The following FGF14 variants were observed in gnomAD, a reference collection of about 807,000 sequenced individuals.
The protein encoded by FGF14 is fibroblast growth factor 14, also known as fibroblast growth factor homologous factor 4.
FGF14 carries 5 observed loss-of-function variants against 25.5 expected under a neutral mutation model. That is an observed-to-expected ratio of 0.20 (90% CI 0.10 to 0.41). The LOEUF is 0.41. Among genes scored for constraint, FGF14 ranks in the 10% least tolerant of loss-of-function variants. The probability of loss-of-function intolerance (pLI) is 1.00; values close to 1 mark genes in which losing one functional copy is unlikely to be tolerated. For synonymous variants in FGF14, 138 were observed against 118.3 expected (o/e 1.17, Z -1.08); for missense variants, 222 against 320.1 (o/e 0.69, Z 2.34).
In FGF14 at chr13:101,832,935, T is replaced by C. The variant is rs1594414585; in HGVS notation, c.408+35790A>G. ...CAGGGTTGCCATTCTTCTGTGGTTT[T>C]CTCACAAATTCTAGTCAATTGTCTG... On this transcript the variant is annotated intron_variant, in intron 3 of 4. Coordinates refer to ENST00000376143, the MANE Select transcript of FGF14 (RefSeq NM_004115.4). Among the ~76,000 whole-genome samples, 3 of 152,102 alleles carry C rather than the reference T, an allele frequency of 2.0e-5. No homozygotes were observed. The East Asian group carries it at 5.8e-4, about 29-fold the overall frequency.
intron 3 of FGF14, among the ~76,000 whole-genome samples, chr13:101,838,505 T>C (rs2043038012): frequency 6.6e-6 from 1 of 152,070 alleles, no homozygotes; most frequent in Non-Finnish European, 1.5e-5. Context: ...TGAAAGAGAA[T>C]TGCTGGTAGA....
At chr13:102,324,647 C>G (rs866270735) in intron 1 of FGF14, among the ~76,000 whole-genome samples, 1 of 152,072 alleles carries the variant, frequency 6.6e-6, no homozygotes, top group Non-Finnish European at 1.5e-5. Context: ...TAATTATCAC[C>G]GGGTGTCAGG....
chr13:101,820,937 T>C (rs2042108013), intron 3 of FGF14, among the ~76,000 whole-genome samples: 1 of 151,568 alleles, frequency 6.6e-6, no homozygotes, highest in South Asian at 2.1e-4. Flanking sequence ...ACTTCTATCA[T>C]AGAAGATTAG....
intron 1 of FGF14, among the ~76,000 whole-genome samples, chr13:101,989,409 TATA>T (rs1161219271): frequency 1.3e-5 from 2 of 152,060 alleles, no homozygotes; most frequent in East Asian, 3.9e-4. Flanking sequence ...CTATGTTGAT[TATA>T]AAGAAGAATA....
intron 1 of FGF14, among the ~76,000 whole-genome samples, chr13:102,093,050 C>A (rs1319319059): frequency 6.6e-6 from 1 of 152,118 alleles, no homozygotes; most frequent in Admixed American, 6.5e-5. Context: ...CATATATATA[C>A]AGACAACCCT....
At position 101,944,810 on chromosome 13, in the gene FGF14, C is replaced by T. The variant is rs550682083; in HGVS notation, c.209-69514G>A. 9.2e-4 allele frequency among the ~76,000 whole-genome samples: 140 copies of T among 152,164 alleles called. 1 individual carries two copies. The highest frequency in any genetic ancestry group is 1.8e-3 in the Non-Finnish European group (120 of 67,998). ...CAATAGAACAAATATTGAATGATTC[C>T]CCCTTTATAAGGTACCTAACATAGC... is the stretch of plus-strand genomic sequence containing the variant. On this transcript the variant is annotated intron_variant, in intron 1 of 4. Transcript: ENST00000376131.
At chr13:102,227,944 G>GAC (rs1365980996) in intron 1 of FGF14, among the ~76,000 whole-genome samples, 1 of 152,048 alleles carries the variant, frequency 6.6e-6, no homozygotes, top group Non-Finnish European at 1.5e-5. Context: ...TTGACTCTCA[G>GAC]ACACTTCCAG....
At chr13:101,932,546 A>AAAAAAC (rs1194211770) in intron 1 of FGF14, among the ~76,000 whole-genome samples, 1 of 151,302 alleles carries the variant, frequency 6.6e-6, no homozygotes, top group Non-Finnish European at 1.5e-5. Context: ...AAAAAAAAAA[A>AAAAAAC]AAGGAAAAAA....
At chr13:101,751,789 T>C (rs190794982) in intron 3 of FGF14, among the ~76,000 whole-genome samples, 13 of 152,108 alleles carry the variant, frequency 8.5e-5, no homozygotes, top group African/African-American at 3.1e-4. Context: ...ACTTGCACTT[T>C]ACAGAAAATG....
chr13:102,350,739 T>C (rs1299072773), intron 1 of FGF14, among the ~76,000 whole-genome samples: 1 of 152,164 alleles, frequency 6.6e-6, no homozygotes, highest in Non-Finnish European at 1.5e-5. Context: ...AATGATGATA[T>C]GGAAATTCAA....
chr13:102,293,245 T>C (rs1432005474), intron 1 of FGF14: 1 of 152,222 alleles, frequency 6.6e-6, no homozygotes, highest in Non-Finnish European at 1.5e-5. Context: ...CCTGGCATCT[T>C]GTCAGTTGGC....
chr13:102,029,989 A>G (rs2041129977), intron 1 of FGF14, among the ~76,000 whole-genome samples: 1 of 152,112 alleles, frequency 6.6e-6, no homozygotes, highest in African/African-American at 2.4e-5. Flanking sequence ...GACAGTCAAC[A>G]AACAAGTTAA....
chr13:102,068,804 C>G (rs1566644699), intron 1 of FGF14, among the ~76,000 whole-genome samples: 1 of 152,206 alleles, frequency 6.6e-6, no homozygotes. Flanking sequence ...ACGAGCACCA[C>G]CCCCCTGCTC....
Position 101,924,162 on chromosome 13 carries a change from AGAAAG to A in FGF14, c.209-48871_209-48867del, listed in dbSNP as rs1369067195. 5.9e-5 allele frequency among the ~76,000 whole-genome samples: 9 copies of A among 152,136 alleles called. No homozygotes were observed. The South Asian group carries it at 1.0e-3, about 17-fold the overall frequency. On this transcript the variant is annotated intron_variant, in intron 1 of 4. Coordinates refer to the FGF14 transcript ENST00000376131. ...ATTACTCAATTTCCAAGAAAGTTTG[AGAAAG>A]GAAAGTTCATTTATAATCTCAATGC...
intron 3 of FGF14, among the ~76,000 whole-genome samples, chr13:101,817,124 C>T (rs1031565850): frequency 3.3e-5 from 5 of 152,102 alleles, no homozygotes; most frequent in African/African-American, 4.8e-5. Flanking sequence ...AAGTAATTTC[C>T]AAAAAGGTAC....
chr13:102,244,154 A>C (rs543620037), intron 1 of FGF14, among the ~76,000 whole-genome samples: 1 of 152,150 alleles, frequency 6.6e-6, no homozygotes, highest in African/African-American at 2.4e-5. Context: ...TGTCCTGTAA[A>C]ATTTAAACTG....
intron 1 of FGF14, among the ~76,000 whole-genome samples, chr13:101,937,308 T>C (rs9585814): frequency 0.05 from 7,578 of 152,224 alleles, 695 homozygotes; most frequent in African/African-American, 0.17. Flanking sequence ...ACCTAACCCC[T>C]AGTACCTCAG....
At chr13:102,323,564 T>C (rs2056320281) in intron 1 of FGF14, among the ~76,000 whole-genome samples, 1 of 152,202 alleles carries the variant, frequency 6.6e-6, no homozygotes, top group Non-Finnish European at 1.5e-5. Context: ...ATATCATTTG[T>C]GTAGTAATCA....
intron 1 of FGF14, among the ~76,000 whole-genome samples, chr13:101,960,356 C>G (rs937824851): frequency 6.6e-6 from 1 of 152,164 alleles, no homozygotes; most frequent in African/African-American, 2.4e-5. Context: ...CTCCCTCCCC[C>G]AGCATACTCC....
Sources: allele counts gnomAD v4.1 joint callset (sites outside exome capture counted in the v4.1 genomes callset), GRCh38; gene constraint gnomAD v4.1.1; transcripts MANE v1.5; gene names NCBI Gene and HGNC (gene_info 2026-07-23, HGNC 2026-07-21).